The following PLXNA4 variants were observed in gnomAD, a reference collection of about 807,000 sequenced individuals.
PLXNA4 encodes the protein plexin-A4.
A neutral mutation model predicts 191.8 loss-of-function variants in PLXNA4; 44 were observed. The observed-to-expected ratio is 0.23, with a 90% CI of 0.18 to 0.29. The LOEUF is 0.29. Among genes scored for constraint, PLXNA4 ranks in the 10% least tolerant of loss-of-function variants. The probability of loss-of-function intolerance (pLI) is 1.00; values close to 1 mark genes in which losing one functional copy is unlikely to be tolerated. For synonymous variants in PLXNA4, 1,082 were observed against 1,009.5 expected (o/e 1.07, Z -1.36); for missense variants, 1,800 against 2,488.8 (o/e 0.72, Z 5.89).
intron 31 of PLXNA4, among the ~76,000 whole-genome samples, chr7:132,132,453 T>C (rs200213848): frequency 0.11 from 5,991 of 56,312 alleles, 581 homozygotes; most frequent in African/African-American, 0.14. Flanking sequence ...TTCTGTTCTG[T>C]TCTGTTCTGT....
intron 2 of PLXNA4, among the ~76,000 whole-genome samples, chr7:132,500,737 G>C (rs1798215073): frequency 6.6e-6 from 1 of 152,204 alleles, no homozygotes; most frequent in East Asian, 1.9e-4. Flanking sequence ...ATGAATATAA[G>C]GGGCTGTGTG....
At chr7:132,252,889 T>C (rs1364447701) in intron 4 of PLXNA4, among the ~76,000 whole-genome samples, 2 of 152,184 alleles carry the variant, frequency 1.3e-5, no homozygotes, top group Non-Finnish European at 2.9e-5. Context: ...ATAGTCTGTA[T>C]GTACTAAGAT....
At chr7:132,617,453 C>T (rs1803179410) in intron 2 of PLXNA4, among the ~76,000 whole-genome samples, 2 of 152,216 alleles carry the variant, frequency 1.3e-5, no homozygotes, top group African/African-American at 2.4e-5. Flanking sequence ...TGAAAAATGC[C>T]TCTGTATTCC....
intron 3 of PLXNA4, among the ~76,000 whole-genome samples, chr7:132,423,894 AAAGC>A (rs1290537752): frequency 1.3e-5 from 2 of 152,110 alleles, no homozygotes; most frequent in Non-Finnish European, 2.9e-5. Context: ...CCACAAGGAG[AAAGC>A]AACAGCATTC....
rs58576548 is a variant in PLXNA4, at chr7:132,427,995, A to G, written c.1371+61297T>C. On this transcript the variant is annotated intron_variant, in intron 3 of 31. Coordinates refer to ENST00000321063, the MANE Select transcript of PLXNA4 (RefSeq NM_020911.2). ...CTCCTCTCCCCTTGCTAGAAAACCC[A>G]TATGCTTCTGCAAAGCAGGTGAGAC... 5.5e-3 allele frequency among the ~76,000 whole-genome samples: 844 copies of G among 152,220 alleles called. 16 individuals carry two copies. Among genetic ancestry groups the G allele is most frequent in the African/African-American group, 0.019 (804 of 41,544 alleles).
At chr7:132,330,636 G>T (rs780667081) in intron 3 of PLXNA4, among the ~76,000 whole-genome samples, 13 of 152,216 alleles carry the variant, frequency 8.5e-5, no homozygotes, top group Non-Finnish European at 1.8e-4. Context: ...TGTAGGAGGG[G>T]AGTGGCCCAA....
At chr7:132,156,951 A>T (rs762241197) in intron 25 of PLXNA4, among the ~76,000 whole-genome samples, 10 of 152,228 alleles carry the variant, frequency 6.6e-5, no homozygotes, top group Non-Finnish European at 1.3e-4. Flanking sequence ...AAGAGCACCC[A>T]TCATGGTTGA....
In PLXNA4 at chr7:132,130,474, G is replaced by A. The variant is rs199878062; in HGVS notation, c.*5C>T. ...CCCTCCAGGGCGGCCCTGGAAGGACGGTTCTCAGCTGTCTAAGCTCATGAG... is the reference window on the plus strand; with the variant it reads ...CCCTCCAGGGCGGCCCTGGAAGGACAGTTCTCAGCTGTCTAAGCTCATGAG... On this transcript the variant is annotated 3_prime_UTR_variant, in exon 32 of 32. Coordinates refer to ENST00000321063, the MANE Select transcript of PLXNA4 (RefSeq NM_020911.2). The A allele has an allele frequency of 9.8e-5, 158 of 1,614,150 alleles. No homozygotes were observed. The highest frequency in any genetic ancestry group is 6.6e-4 in the Middle Eastern group (4 of 6,062).
rs184016341 is a variant in PLXNA4 at position 132,279,383 on chromosome 7, C to A, written c.1503+18708G>T. On this transcript the variant is annotated intron_variant, in intron 4 of 31. Transcript: ENST00000321063. ...AAGGCTGGGCATGGTGGCTCACACA[C>A]TTTGGGATGCCAAGGTGGAAGGATC... Among the ~76,000 whole-genome samples the A allele has an allele frequency of 2.6e-5, 4 of 152,268 alleles. No homozygotes were observed. The East Asian group carries it at 7.7e-4, about 29-fold the overall frequency.
At chr7:132,448,640 C>T (rs1042678953) in intron 3 of PLXNA4, among the ~76,000 whole-genome samples, 3 of 152,162 alleles carry the variant, frequency 2.0e-5, no homozygotes, top group Non-Finnish European at 4.4e-5. Context: ...ACATCTTATT[C>T]CCTCTGCAGC....
intron 3 of PLXNA4, among the ~76,000 whole-genome samples, chr7:132,387,378 C>A (rs891272404): frequency 9.2e-5 from 14 of 152,222 alleles, no homozygotes; most frequent in African/African-American, 3.4e-4. Flanking sequence ...TCAACCTTCA[C>A]GATGTCTTTG....
At chr7:132,560,321 T>G (rs1482748835) in intron 1 of PLXNA4, among the ~76,000 whole-genome samples, 1 of 152,200 alleles carries the variant, frequency 6.6e-6, no homozygotes, top group Non-Finnish European at 1.5e-5. Context: ...CCTCCCGGGA[T>G]TGTTCTTTTT....
At position 132,467,321 on chromosome 7, in the gene PLXNA4, C is replaced by G. The variant is rs556233802; in HGVS notation, c.1371+21971G>C. On this transcript the variant is annotated intron_variant, in intron 3 of 31. Transcript: ENST00000321063. The stretch of plus-strand genomic sequence containing the variant: ...GAGCTGAGTCCGTCACAGTCCCTCA[C>G]AGCCAAGGTGACCCATTAGGCAAGA... Among the ~76,000 whole-genome samples the G allele has an allele frequency of 2.0e-5, 3 of 152,308 alleles. No individual in the cohort carries two copies. In the South Asian group the frequency reaches 6.2e-4, roughly 32 times the overall value.
intron 2 of PLXNA4, among the ~76,000 whole-genome samples, chr7:132,642,524 A>G (rs534598359): frequency 5.9e-5 from 9 of 152,028 alleles, no homozygotes; most frequent in African/African-American, 2.2e-4. Flanking sequence ...AACAGCATGC[A>G]CAGGGGCCTG....
intron 2 of PLXNA4, among the ~76,000 whole-genome samples, chr7:132,602,007 A>G (rs1802830544): frequency 6.6e-6 from 1 of 152,202 alleles, no homozygotes; most frequent in African/African-American, 2.4e-5. Context: ...TTCTAAATCA[A>G]TGAGGCCCAG....
At chr7:132,352,994 A>T (rs1554421424) in intron 3 of PLXNA4, among the ~76,000 whole-genome samples, 6 of 152,198 alleles carry the variant, frequency 3.9e-5, no homozygotes, top group Non-Finnish European at 5.9e-5. Context: ...TGAAAAAAAA[A>T]TCCCAAATTC....
intron 4 of PLXNA4, among the ~76,000 whole-genome samples, chr7:132,245,907 G>A (rs763560065): frequency 6.6e-6 from 1 of 152,204 alleles, no homozygotes; most frequent in Non-Finnish European, 1.5e-5. Flanking sequence ...ACAGAAAGTA[G>A]TACGGTGGTT....
chr7:132,497,956 A>G (rs1798094887), intron 2 of PLXNA4, among the ~76,000 whole-genome samples: 1 of 152,170 alleles, frequency 6.6e-6, no homozygotes, highest in African/African-American at 2.4e-5. Flanking sequence ...ACAACAACCC[A>G]GTTAGACAAA....
intron 1 of PLXNA4, among the ~76,000 whole-genome samples, chr7:132,563,204 TCC>T: frequency 1.1e-5 from 1 of 89,700 alleles, no homozygotes; most frequent in Non-Finnish European, 2.2e-5. Context: ...CTCCTCTTCC[TCC>T]TCCTCCTCCT....
Sources: gnomAD v4.1 joint callset for allele counts (sites outside exome capture counted in the v4.1 genomes callset) on GRCh38, gnomAD v4.1.1 for gene constraint, MANE v1.5 for transcripts, NCBI Gene and HGNC (gene_info 2026-07-23, HGNC 2026-07-21) for gene names.